Variants in C1orf167 observed in about 807,000 individuals in gnomAD.
The protein encoded by C1orf167 is chromosome 1 open reading frame 167.
Under a neutral mutation model 176.5 loss-of-function variants are expected in C1orf167, and 153 were observed. The observed-to-expected ratio is 0.87, with a 90% CI of 0.76 to 0.99. C1orf167 has a LOEUF of 0.99. C1orf167 is among the 50% of genes least tolerant of loss of function. C1orf167 has a pLI of 0.00. For synonymous variants in C1orf167, 594 were observed against 752.7 expected (o/e 0.79, Z 3.45); for missense variants, 1,490 against 1,817.7 (o/e 0.82, Z 3.28).
At chr1:11,773,575 G>C (rs1570398398) in intron 8 of C1orf167, among the ~76,000 whole-genome samples, 1 of 152,022 alleles carries the variant, frequency 6.6e-6, no homozygotes, top group Non-Finnish European at 1.5e-5. Context: ...GAGTATGATG[G>C]TGAACACCTG....
chr1:11,786,775 G>A (rs1308170526), intron 16 of C1orf167: 1 of 152,200 alleles, frequency 6.6e-6, no homozygotes, highest in Non-Finnish European at 1.5e-5. Context: ...GAATTGAAAG[G>A]AACTAGCCTT....
In C1orf167 at chr1:11,788,701, T is replaced by C. The variant is rs1379497353; in HGVS notation, c.4128T>C (p.Asp1376=). The change falls in exon 20 of 21, where the codon GAT becomes GAC. Residue 1376 remains aspartate (D), a synonymous_variant. Transcript: ENST00000688073. ...EMGLADVVAA[D]PATASGSAVT... is the part of the protein sequence containing the mutation. ...GCCTGGCAGACGTGGTGGCAGCGGA[T>C]CCTGCGACTGCGAGTGGCTCAGCAG... The C allele has an allele frequency of 7.7e-7, 1 of 1,304,088 alleles. No individual in the cohort carries two copies. The highest frequency in any genetic ancestry group is 1.0e-6 in the Non-Finnish European group (1 of 988,946). 80.8% of individuals were successfully genotyped at this position (1,304,088 alleles called of 1,614,324 possible). A position where few individuals can be genotyped will look rare whatever the true frequency, so the allele number is the denominator to read the frequency against.
Position 11,767,219 on chromosome 1 carries a change from A to G in C1orf167, c.1300-2A>G. On this transcript the variant is annotated splice_acceptor_variant, in intron 3 of 20. Transcript: ENST00000688073. LOFTEE classifies it high-confidence loss of function. Reference sequence around the variant, plus strand: ...CTGTGTTATGTACTCTTGCTTTCCCAGAACAAGGCACAAAACATCACAGCC... The same window carrying G: ...CTGTGTTATGTACTCTTGCTTTCCCGGAACAAGGCACAAAACATCACAGCC... 7.8e-7 allele frequency: 1 copy of G among 1,289,734 alleles called. No homozygotes were observed. The highest frequency in any genetic ancestry group is 1.2e-5 in the South Asian group (1 of 81,020). 79.9% of individuals were successfully genotyped at this position (1,289,734 alleles called of 1,614,324 possible). A position where few individuals can be genotyped will look rare whatever the true frequency, so the allele number is the denominator to read the frequency against.
At chr1:11,765,612 C>T (rs1191268976) in intron 2 of C1orf167, among the ~76,000 whole-genome samples, 1 of 152,168 alleles carries the variant, frequency 6.6e-6, no homozygotes, top group Non-Finnish European at 1.5e-5. Context: ...CTGGGACCCC[C>T]TCAACAGCCT....
intron 15 of C1orf167, 31 bp from the exon 16 acceptor site, chr1:11,785,117 C>T (rs1643790702): frequency 7.9e-7 from 1 of 1,272,622 alleles, no homozygotes; most frequent in Non-Finnish European, 1.0e-6. Flanking sequence ...GCCTTTATGG[C>T]CCTGGCTGCA....
At chr1:11,777,787 A>C (rs1643392344) in intron 10 of C1orf167, 1 of 152,098 alleles carries the variant, frequency 6.6e-6, no homozygotes, top group African/African-American at 2.4e-5. Flanking sequence ...GGCACTGCTC[A>C]CATGCCTGCC....
Position 11,784,385 on chromosome 1 carries a change from G to T in C1orf167, c.3217G>T (p.Asp1073Tyr). The change falls in exon 15 of 21, where the codon GAT becomes TAT. Residue 1073 changes from aspartate (D) to tyrosine (Y), a missense_variant. Physicochemically the swap from Asp to Tyr is radical, Grantham distance 160. Transcript: ENST00000688073. ...WRSCGQQGQE[D>Y]GQQKKARAPQ... is the part of the protein sequence containing the mutation. ...AAGCTGCGGGCAGCAAGGCCAGGAA[G>T]ATGGGCAGCAGAAGAAGGCCCGGGC... The T allele has an allele frequency of 1.2e-5, 16 of 1,304,130 alleles. No homozygotes were observed. Among genetic ancestry groups the T allele is most frequent in the Non-Finnish European group, 1.6e-5 (16 of 988,892 alleles). 80.8% of individuals were successfully genotyped at this position (1,304,130 alleles called of 1,614,324 possible). A position where few individuals can be genotyped will look rare whatever the true frequency, so the allele number is the denominator to read the frequency against.
chr1:11,782,264 G>A lies in C1orf167; in HGVS notation c.2936G>A (p.Arg979Gln), dbSNP rs750808883. The change falls in exon 14 of 21, where the codon CGG becomes CAG. Residue 979 changes from arginine to glutamine, a missense_variant. Physicochemically the swap from Arg to Gln is conservative, Grantham distance 43. Coordinates refer to ENST00000688073, the MANE Select transcript of C1orf167 (RefSeq NM_001010881.2). ...CAGGGCCTGCAGAAGGTGGTGTTCCGGAGCTGGCAGCAGGCAGCAGCTCAT... is the reference window on the plus strand; with the variant it reads ...CAGGGCCTGCAGAAGGTGGTGTTCCAGAGCTGGCAGCAGGCAGCAGCTCAT... ...HLQGLQKVVFRSWQQAAAHQR... is the reference protein window; with the variant it reads ...HLQGLQKVVFQSWQQAAAHQR... The A allele has an allele frequency of 1.5e-5, 20 of 1,301,546 alleles. No homozygotes were observed. In the African/African-American group the frequency reaches 1.8e-4, roughly 12 times the overall value. The allele number at this position is 1,301,546 out of a possible 1,614,324, so 80.6% of individuals were successfully genotyped here.
chr1:11,778,651 C>G lies in C1orf167; in HGVS notation c.2340-9C>G, dbSNP rs1401696012. ...GGCTGGGTGGGTCACTCACCTGCCC[C>G]TTCTCTAGCTCCTTCTTCCAGGGCC... On this transcript the variant is annotated splice_polypyrimidine_tract_variant and intron_variant, in intron 10 of 20. Transcript: ENST00000688073. 1 of 1,289,720 alleles carries G rather than the reference C, an allele frequency of 7.8e-7. No homozygotes were observed. The highest frequency in any genetic ancestry group is 2.3e-5 in the Admixed American group (1 of 43,066). 79.9% of individuals were successfully genotyped at this position (1,289,720 alleles called of 1,614,324 possible).
Position 11,775,475 on chromosome 1 carries a change from C to G in C1orf167, c.2029C>G (p.Arg677Gly), listed in dbSNP as rs79345318. 158 of 1,303,892 alleles carry G rather than the reference C, an allele frequency of 1.2e-4. 2 individuals carry two copies. The East Asian group carries it at 6.2e-3, about 51-fold the overall frequency. 80.8% of individuals were successfully genotyped at this position (1,303,892 alleles called of 1,614,324 possible). The change falls in exon 9 of 21, where the codon CGG (arginine) becomes GGG (glycine). Residue 677 changes from arginine (R) to glycine (G), a missense_variant. Arg to Gly is a moderately radical substitution (Grantham distance 125). Transcript: ENST00000688073. ...AWQQFVQRGS[R>G]YRDHLADRRT... is the part of the protein sequence containing the mutation. ...GCAGCAGTTCGTGCAAAGAGGGTCC[C>G]GGTACCGAGACCACCTGGCTGACCG...
In C1orf167 at chr1:11,766,807, C is replaced by G; in HGVS notation, c.1021C>G (p.Pro341Ala). ...LGTRTKDSLN[P>A]EQGLPPAHPL... is the part of the protein sequence containing the mutation. ...GACACGGACCAAGGATTCCCTTAAT[C>G]CTGAGCAGGGGCTCCCTCCTGCCCA... is the stretch of plus-strand genomic sequence containing the variant. Residue 341 changes from proline to alanine, a missense_variant, in exon 3 of 21, where the codon CCT (proline) becomes GCT (alanine). Transcript: ENST00000688073. This position sits in a 1 kb window ranked among gnomAD's most constrained non-coding sequence, Gnocchi z 4.5. 2 of 1,289,536 alleles carry G rather than the reference C, an allele frequency of 1.6e-6. No homozygotes were observed. Among genetic ancestry groups the G allele is most frequent in the Non-Finnish European group, 2.0e-6 (2 of 988,734 alleles). The allele number at this position is 1,289,536 out of a possible 1,614,324, so 79.9% of individuals were successfully genotyped here.
In C1orf167 at chr1:11,784,615, C is replaced by G. The variant is rs1426786898; in HGVS notation, c.3425+22C>G. 2.5e-6 allele frequency: 3 copies of G among 1,213,378 alleles called. No individual in the cohort carries two copies. In the Admixed American group the frequency reaches 1.0e-4, roughly 41 times the overall value. The allele number at this position is 1,213,378 out of a possible 1,614,324, so 75.2% of individuals were successfully genotyped here. A position where few individuals can be genotyped will look rare whatever the true frequency, so the allele number is the denominator to read the frequency against. ...CCTGGTGAGTGCTGTGGTCTAAGTGCAGCCCCACTCTGTGCTTCCAGCTCA... is the reference window on the plus strand; with the variant it reads ...CCTGGTGAGTGCTGTGGTCTAAGTGGAGCCCCACTCTGTGCTTCCAGCTCA... On this transcript the variant is annotated intron_variant, in intron 15 of 20. Coordinates refer to ENST00000688073, the MANE Select transcript of C1orf167 (RefSeq NM_001010881.2).
chr1:11,785,342 G>A (rs1196811576), intron 16 of C1orf167, 53 bp downstream of exon 16: 1 of 1,231,870 alleles, frequency 8.1e-7, no homozygotes, highest in Non-Finnish European at 1.1e-6. Context: ...ATGGCCAGCA[G>A]GGGGAGCCTG....
rs1643983353 is a variant in C1orf167, at chr1:11,788,751, G to C, written c.4173+5G>C. 1 of 1,303,934 alleles carries C rather than the reference G, an allele frequency of 7.7e-7. No homozygotes were observed. The highest frequency in any genetic ancestry group is 1.0e-6 in the Non-Finnish European group (1 of 988,876). The allele number at this position is 1,303,934 out of a possible 1,614,324, so 80.8% of individuals were successfully genotyped here. On this transcript the variant is annotated splice_donor_5th_base_variant and intron_variant, in intron 20 of 20. Transcript: ENST00000688073. ...GTTACAGCAGCAGGAAGATGGGTGG[G>C]TCCTTTCCCAGGTACTGCCCTCTTC...
chr1:11,772,326 C>T (rs1643121272), intron 8 of C1orf167, 67 bp downstream of exon 8: 2 of 1,223,814 alleles, frequency 1.6e-6, no homozygotes, highest in Non-Finnish European at 2.1e-6. Context: ...AGTACAGTGG[C>T]ACCATCTTGC....
chr1:11,789,216 C>T, intron 20 of C1orf167, 54 bp from the exon 21 acceptor site: 1 of 1,291,826 alleles, frequency 7.7e-7, no homozygotes, highest in South Asian at 1.3e-5. Flanking sequence ...AGGCACAGCA[C>T]AGACCCCGGA....
intron 1 of C1orf167, among the ~76,000 whole-genome samples, chr1:11,763,461 G>T (rs74053306): frequency 0.014 from 2,130 of 150,078 alleles, 65 homozygotes; most frequent in African/African-American, 0.05. Flanking sequence ...AAAAAAAAAG[G>T]TTTTGCAGCC....
intron 6 of C1orf167, among the ~76,000 whole-genome samples, chr1:11,771,275 A>G (rs1643063951): frequency 6.7e-6 from 1 of 150,172 alleles, no homozygotes; most frequent in South Asian, 2.2e-4. Context: ...AATGATATTT[A>G]TTTTAATACA....
rs755383372 is a variant in C1orf167, at chr1:11,787,405, A to C, written c.3585A>C (p.Thr1195=). The part of the protein sequence containing the change: ...PGAGKTRSCW[T]QATELVPPAP... ...TCCTTCAGACCCGCAGCTGCTGGAC[A>C]CAGGCCACAGAGCTGGTGCCTCCCG... Residue 1195 remains threonine (T), a synonymous_variant, in exon 17 of 21, where the codon ACA becomes ACC. Coordinates refer to ENST00000688073, the MANE Select transcript of C1orf167 (RefSeq NM_001010881.2). The C allele has an allele frequency of 2.7e-5, 35 of 1,300,176 alleles. No homozygotes were observed. The highest frequency in any genetic ancestry group is 3.5e-5 in the Non-Finnish European group (35 of 987,024). The allele number at this position is 1,300,176 out of a possible 1,614,324, so 80.5% of individuals were successfully genotyped here.
Sources: allele counts gnomAD v4.1 joint callset (sites outside exome capture counted in the v4.1 genomes callset), GRCh38; gene constraint gnomAD v4.1.1; non-coding constraint Gnocchi (gnomAD v3.1); transcripts MANE v1.5; gene names NCBI Gene and HGNC (gene_info 2026-07-23, HGNC 2026-07-21).